Variants in PTPRO observed in about 807,000 individuals in gnomAD.
PTPRO encodes the protein protein tyrosine phosphatase receptor type O.
A neutral mutation model predicts 145.2 loss-of-function variants in PTPRO; 62 were observed. The ratio of observed to expected loss-of-function variants is 0.43; its 90% CI spans 0.35 to 0.53. The LOEUF is 0.53. Ranked by LOEUF, PTPRO falls within the 20% of genes least tolerant of loss-of-function variation. The pLI, the probability that PTPRO is intolerant of heterozygous loss-of-function variation, is 0.01. For synonymous variants in PTPRO, 565 were observed against 514.7 expected (o/e 1.10, Z -1.32); for missense variants, 1,345 against 1,482.7 (o/e 0.91, Z 1.53).
intron 1 of PTPRO, among the ~76,000 whole-genome samples, chr12:15,446,248 T>C (rs1254817422): frequency 6.6e-6 from 1 of 152,180 alleles, no homozygotes; most frequent in Non-Finnish European, 1.5e-5. Context: ...GTTCAAATTT[T>C]ACTAATGTAA....
intron 1 of PTPRO, among the ~76,000 whole-genome samples, chr12:15,368,324 G>C (rs1234678272): frequency 2.6e-5 from 4 of 152,132 alleles, no homozygotes; most frequent in African/African-American, 9.7e-5. Context: ...TTCAATATTA[G>C]GAAGCCTTGT....
intron 1 of PTPRO, among the ~76,000 whole-genome samples, chr12:15,395,298 C>A (rs1254569955): frequency 6.6e-6 from 1 of 151,884 alleles, no homozygotes; most frequent in East Asian, 1.9e-4. Flanking sequence ...AGTAATTTGG[C>A]CCTTGGAAAG....
intron 1 of PTPRO, among the ~76,000 whole-genome samples, chr12:15,385,658 A>G (rs930772256): frequency 2.6e-5 from 4 of 151,980 alleles, no homozygotes; most frequent in African/African-American, 4.8e-5. Context: ...CTAAAAATAC[A>G]AAAAGTAGTC....
intron 8 of PTPRO, among the ~76,000 whole-genome samples, chr12:15,516,378 C>G (rs12309904): frequency 9.0e-6 from 1 of 111,614 alleles, no homozygotes. Flanking sequence ...AAAGAAAGAA[C>G]GAACGAAAGA....
chr12:15,546,827 T>G (rs1943303893), intron 13 of PTPRO, 119 bp downstream of exon 13: 2 of 1,423,240 alleles, frequency 1.4e-6, no homozygotes, highest in Non-Finnish European at 1.9e-6. Context: ...TATTTGCTCT[T>G]TTGTGTTTCA....
At chr12:15,576,151 T>G (rs1944180663) in intron 19 of PTPRO, among the ~76,000 whole-genome samples, 1 of 152,230 alleles carries the variant, frequency 6.6e-6, no homozygotes, top group Non-Finnish European at 1.5e-5. Flanking sequence ...CTCCATAGTT[T>G]GTCTTCATAA....
chr12:15,375,909 G>C lies in PTPRO; in HGVS notation c.75+53108G>C, dbSNP rs115621958. On this transcript the variant is annotated intron_variant, in intron 1 of 26. Coordinates refer to ENST00000281171, the MANE Select transcript of PTPRO (RefSeq NM_030667.3). ...CAAAAGAAAGATCAAAAGAAAGAAAGGTTAGTGAACTTTAAGACAGGTCAA... is the reference window on the plus strand; with the variant it reads ...CAAAAGAAAGATCAAAAGAAAGAAACGTTAGTGAACTTTAAGACAGGTCAA... Among the ~76,000 whole-genome samples, 1,174 of 152,130 alleles carry C rather than the reference G, an allele frequency of 7.7e-3. 11 individuals are homozygous for C. The highest frequency in any genetic ancestry group is 0.026 in the African/African-American group (1,079 of 41,522).
intron 19 of PTPRO, among the ~76,000 whole-genome samples, chr12:15,571,909 A>G (rs557635592): frequency 1.3e-5 from 2 of 152,334 alleles, no homozygotes; most frequent in East Asian, 1.9e-4. Context: ...TAGATATCAC[A>G]AAAATATGAA....
At position 15,571,083 on chromosome 12, in the gene PTPRO, G is replaced by C. The variant is rs567180066; in HGVS notation, c.2829+1585G>C. On this transcript the variant is annotated intron_variant, in intron 19 of 26. Coordinates refer to ENST00000281171, the MANE Select transcript of PTPRO (RefSeq NM_030667.3). ...CTCATACAATCAAAGAAAAGGTTGA[G>C]TAGCTAGACTACGTGCAGGGAAGCA... 2.0e-5 allele frequency among the ~76,000 whole-genome samples: 3 copies of C among 152,314 alleles called. No individual in the cohort carries two copies. The South Asian group carries it at 6.2e-4, about 32-fold the overall frequency.
intron 1 of PTPRO, among the ~76,000 whole-genome samples, chr12:15,422,979 A>G (rs1252620426): frequency 6.6e-6 from 1 of 152,204 alleles, no homozygotes; most frequent in African/African-American, 2.4e-5. Flanking sequence ...TAAATTTTAA[A>G]AAGTTATGAT....
chr12:15,421,052 A>G (rs527341436), intron 1 of PTPRO, among the ~76,000 whole-genome samples: 1 of 152,338 alleles, frequency 6.6e-6, no homozygotes, highest in African/African-American at 2.4e-5. Context: ...AAATTTTGCC[A>G]TTATTGTTTA....
intron 17 of PTPRO, among the ~76,000 whole-genome samples, chr12:15,562,311 T>A (rs1943793940): frequency 6.6e-6 from 1 of 152,150 alleles, no homozygotes; most frequent in Non-Finnish European, 1.5e-5. Context: ...TTTCCCCTGC[T>A]TTCATTGGCT....
intron 17 of PTPRO, among the ~76,000 whole-genome samples, chr12:15,562,544 T>A (rs1029276119): frequency 1.3e-5 from 2 of 152,140 alleles, no homozygotes; most frequent in South Asian, 2.1e-4. Context: ...ATCAAAAAAC[T>A]CTTTCTCTCT....
intron 2 of PTPRO, among the ~76,000 whole-genome samples, chr12:15,492,421 A>T (rs1470660591): frequency 6.6e-6 from 1 of 152,144 alleles, no homozygotes; most frequent in East Asian, 1.9e-4. Context: ...GGGAAAAAAA[A>T]TTGGCAGAAA....
intron 1 of PTPRO, among the ~76,000 whole-genome samples, chr12:15,371,031 T>C (rs1048607214): frequency 1.3e-5 from 2 of 152,224 alleles, no homozygotes; most frequent in African/African-American, 4.8e-5. Context: ...TATGTAATAC[T>C]ATAATGCAAG....
chr12:15,410,944 C>T (rs1179677795), intron 1 of PTPRO, among the ~76,000 whole-genome samples: 2 of 152,100 alleles, frequency 1.3e-5, no homozygotes, highest in Non-Finnish European at 2.9e-5. Flanking sequence ...CAATTAACTT[C>T]CTAAAGAAAA....
intron 1 of PTPRO, among the ~76,000 whole-genome samples, chr12:15,483,460 C>G (rs1565656300): frequency 6.6e-6 from 1 of 152,116 alleles, no homozygotes; most frequent in Admixed American, 6.6e-5. Context: ...GGATCAACAC[C>G]AGTTTCTCAA....
chr12:15,509,425 G>T lies in PTPRO; in HGVS notation c.1464+658G>T, dbSNP rs118189326. On this transcript the variant is annotated intron_variant, in intron 7 of 26. Coordinates refer to ENST00000281171, the MANE Select transcript of PTPRO (RefSeq NM_030667.3). ...AAAGAATATAAAGTAGGCTGGGTGT[G>T]GGGGCTCACACCTTTAATCCCAGCA... Among the ~76,000 whole-genome samples the T allele has an allele frequency of 5.9e-4, 89 of 151,830 alleles. No homozygotes were observed. The Middle Eastern group carries it at 0.01, about 17-fold the overall frequency.
chr12:15,455,900 A>G (rs1447709942), intron 1 of PTPRO, among the ~76,000 whole-genome samples: 1 of 152,132 alleles, frequency 6.6e-6, no homozygotes, highest in African/African-American at 2.4e-5. Flanking sequence ...AGAAGTACCT[A>G]ATGTAGATGA....
Sources: allele counts gnomAD v4.1 joint callset (sites outside exome capture counted in the v4.1 genomes callset), GRCh38; gene constraint gnomAD v4.1.1; transcripts MANE v1.5; gene names NCBI Gene and HGNC (gene_info 2026-07-23, HGNC 2026-07-21).